The following USP26 variants were observed in gnomAD, a reference collection of about 807,000 sequenced individuals.
The protein encoded by USP26 is ubiquitin carboxyl-terminal hydrolase 26.
For missense variants in USP26, 649 were observed against 642.3 expected (o/e 1.01, Z -0.11); for synonymous variants, 236 against 240.6 (o/e 0.98, Z 0.18).
At chrX:133,038,722 G>A (rs2067405849) in intron 5 of USP26, among the ~76,000 whole-genome samples, 2 of 112,223 alleles carry the variant, frequency 1.8e-5, no homozygotes. Flanking sequence ...GTTTGGAATA[G>A]TTTCAGAAGG....
Position 133,079,864 on chromosome X carries a change from G to T in USP26, c.-77+3843C>A, listed in dbSNP as rs982838342. On this transcript the variant is annotated intron_variant, in intron 5 of 5. Coordinates refer to ENST00000511190, the MANE Select transcript of USP26 (RefSeq NM_031907.3). ...GAAAATTAAGATAAAAAATATAGAT[G>T]AATGAGAAGGAAAGTGCAGAAATAT... Among the ~76,000 whole-genome samples the T allele has an allele frequency of 2.7e-5, 3 of 111,581 alleles. No homozygotes were observed. In the Admixed American group the frequency reaches 2.9e-4, roughly 11 times the overall value.
intron 5 of USP26, among the ~76,000 whole-genome samples, chrX:133,045,632 G>A (rs796981412): frequency 9.0e-6 from 1 of 110,955 alleles, no homozygotes; most frequent in African/African-American, 3.3e-5. Flanking sequence ...CAGACGGGCC[G>A]CCTTATGAGC....
chrX:133,047,627 G>A (rs2067445156), intron 5 of USP26, among the ~76,000 whole-genome samples: 1 of 111,842 alleles, frequency 8.9e-6, no homozygotes, highest in South Asian at 3.8e-4. Context: ...CCCATATTCA[G>A]ATGTTGAAAT....
chrX:133,070,434 G>A (rs2067526988), intron 5 of USP26, among the ~76,000 whole-genome samples: 1 of 111,394 alleles, frequency 9.0e-6, no homozygotes, highest in Non-Finnish European at 1.9e-5. Context: ...AAGAACTCCA[G>A]GGAATCTGTT....
At chrX:133,082,831 T>C (rs2067574826) in intron 5 of USP26, among the ~76,000 whole-genome samples, 1 of 111,873 alleles carries the variant, frequency 8.9e-6, no homozygotes, top group Middle Eastern at 4.6e-3. Context: ...AAAAAATGCC[T>C]GCATGTGATA....
chrX:133,044,402 C>T (rs1163788465), intron 5 of USP26, among the ~76,000 whole-genome samples: 1 of 113,142 alleles, frequency 8.8e-6, no homozygotes, highest in African/African-American at 3.2e-5. Flanking sequence ...GGAACCGGGG[C>T]TGCACGCAGT....
At chrX:133,067,911 T>C (rs766780276) in intron 5 of USP26, among the ~76,000 whole-genome samples, 2 of 111,871 alleles carry the variant, frequency 1.8e-5, no homozygotes, top group South Asian at 7.5e-4. Context: ...GAGCAGCTTA[T>C]GTTAACAATG....
intron 5 of USP26, among the ~76,000 whole-genome samples, chrX:133,040,984 C>T (rs2067416878): frequency 9.1e-6 from 1 of 109,640 alleles, no homozygotes; most frequent in Non-Finnish European, 1.9e-5. Context: ...TTGATTGATT[C>T]AGCTATTGAT....
chrX:133,066,234 T>C (rs1200086313), intron 5 of USP26, among the ~76,000 whole-genome samples: 3 of 110,921 alleles, frequency 2.7e-5, no homozygotes, highest in Admixed American at 9.6e-5. Context: ...AGGACACAAA[T>C]AAATGGAAAA....
At position 133,027,906 on chromosome X, in the gene USP26, C is replaced by T; in HGVS notation, c.315G>A (p.Glu105=). The change falls in exon 6 of 6, where the codon GAG becomes GAA. Residue 105 remains glutamate, a synonymous_variant. Coordinates refer to ENST00000511190, the MANE Select transcript of USP26 (RefSeq NM_031907.3). ...TACCAGGTCTCACAGGTGGCTGAAC[C>T]TCGTTTTGATGAACTCTGTCCAAGA... ...KIFLDRVHQN[E]VQPPVRPGKG... is the part of the protein sequence containing the mutation. 2.5e-6 allele frequency: 3 copies of T among 1,210,493 alleles called. No individual in the cohort carries two copies. The highest frequency in any genetic ancestry group is 3.4e-6 in the Non-Finnish European group (3 of 894,696).
chrX:133,033,841 T>G (rs1245208681), intron 5 of USP26, among the ~76,000 whole-genome samples: 1 of 112,040 alleles, frequency 8.9e-6, no homozygotes, highest in Non-Finnish European at 1.9e-5. Flanking sequence ...ATTCCTGACC[T>G]CGGGTTTTAA....
At chrX:133,074,262 C>A (rs778066146) in intron 5 of USP26, among the ~76,000 whole-genome samples, 3 of 112,316 alleles carry the variant, frequency 2.7e-5, no homozygotes, top group Non-Finnish European at 5.6e-5. Flanking sequence ...CTCATCTTAT[C>A]AGGAATTCAA....
chrX:133,032,746 G>A (rs7058651), intron 5 of USP26, among the ~76,000 whole-genome samples: 2 of 111,478 alleles, frequency 1.8e-5, no homozygotes, highest in South Asian at 7.6e-4. Context: ...ATGATTATAA[G>A]TACGGACCCA....
intron 5 of USP26, among the ~76,000 whole-genome samples, chrX:133,081,876 C>T (rs763520730): frequency 2.6e-4 from 29 of 111,763 alleles, no homozygotes; most frequent in South Asian, 7.6e-4. Context: ...AAAAACTGAG[C>T]GGCAACAGTA....
intron 5 of USP26, among the ~76,000 whole-genome samples, chrX:133,048,537 G>T (rs1466051819): frequency 9.8e-6 from 1 of 101,604 alleles, no homozygotes; most frequent in Admixed American, 1.1e-4. Flanking sequence ...ACAACATAGT[G>T]GAACAGTTGC....
intron 5 of USP26, among the ~76,000 whole-genome samples, chrX:133,056,326 G>T (rs1469181892): frequency 9.0e-6 from 1 of 111,623 alleles, no homozygotes; most frequent in Admixed American, 9.5e-5. Flanking sequence ...AATAGGGAAG[G>T]TGTGATGACA....
chrX:133,044,092 G>GC lies in USP26; in HGVS notation c.-76-15797dup, dbSNP rs1292866973. Reference sequence around the variant, plus strand: ...TCTGAGGGTAAACTGCACTATTTGTGCCCACCCACCCATCTACTACTCTCT... The same window carrying GC: ...TCTGAGGGTAAACTGCACTATTTGTGCCCCACCCACCCATCTACTACTCTCT... On this transcript the variant is annotated intron_variant, in intron 5 of 5. Coordinates refer to ENST00000511190, the MANE Select transcript of USP26 (RefSeq NM_031907.3). Among the ~76,000 whole-genome samples the GC allele has an allele frequency of 3.6e-5, 4 of 112,601 alleles. No homozygotes were observed. The Admixed American group carries it at 3.7e-4, about 10-fold the overall frequency.
chrX:133,062,820 A>G (rs940918233), intron 5 of USP26, among the ~76,000 whole-genome samples: 4 of 111,584 alleles, frequency 3.6e-5, no homozygotes, highest in Non-Finnish European at 7.5e-5. Context: ...AGAATGCCTC[A>G]TCTCCACATG....
chrX:133,068,898 C>T (rs778812470), intron 5 of USP26, among the ~76,000 whole-genome samples: 30 of 111,916 alleles, frequency 2.7e-4, no homozygotes, highest in South Asian at 7.5e-4. Flanking sequence ...GGAGGTGTTC[C>T]GCTAATTAAG....
Sources: allele counts gnomAD v4.1 joint callset (sites outside exome capture counted in the v4.1 genomes callset), GRCh38; gene constraint gnomAD v4.1.1; transcripts MANE v1.5; gene names NCBI Gene and HGNC (gene_info 2026-07-23, HGNC 2026-07-21).